UTRN: variants seen among roughly 807,000 people sequenced by gnomAD.
UTRN encodes dystrophin-related protein 1.
In UTRN, 283 loss-of-function variants were observed where a neutral mutation model predicts 463.9. The ratio of observed to expected loss-of-function variants is 0.61; its 90% CI spans 0.55 to 0.67. UTRN has a LOEUF of 0.67. Ranked by LOEUF, UTRN falls within the 30% of genes least tolerant of loss-of-function variation. The pLI, the probability that UTRN is intolerant of heterozygous loss-of-function variation, is 0.00. For synonymous variants in UTRN, 1,442 were observed against 1,431.5 expected (o/e 1.01, Z -0.17); for missense variants, 3,922 against 4,084.3 (o/e 0.96, Z 1.08).
At chr6:144,494,295 G>A (rs1793368235) in intron 33 of UTRN, among the ~76,000 whole-genome samples, 1 of 152,082 alleles carries the variant, frequency 6.6e-6, no homozygotes, top group Non-Finnish European at 1.5e-5. Context: ...TCCTGGCTCA[G>A]GAGTGACGCT....
chr6:144,540,510 G>A (rs1277258745), intron 45 of UTRN, among the ~76,000 whole-genome samples: 1 of 152,174 alleles, frequency 6.6e-6, no homozygotes, highest in African/African-American at 2.4e-5. Context: ...TCTCTGGTCT[G>A]GACCTTTCTC....
chr6:144,453,850 T>C lies in UTRN; in HGVS notation c.2265T>C (p.Leu755=). Residue 755 remains leucine (L), a synonymous_variant, in exon 19 of 75, where the codon CTT becomes CTC. Coordinates refer to ENST00000367545, the MANE Select transcript of UTRN (RefSeq NM_007124.3). ...AATTAAACCAAACTGGACAAATCCT[T>C]GTGGAGCAAATGGGAAAAGGTAAGA... ...ADELNQTGQI[L]VEQMGKEGLP... 3 of 1,613,302 alleles carry C rather than the reference T, an allele frequency of 1.9e-6. No homozygotes were observed. Among genetic ancestry groups the C allele is most frequent in the Non-Finnish European group, 2.5e-6 (3 of 1,179,536 alleles).
At chr6:144,555,991 G>A (rs1300708175) in intron 49 of UTRN, among the ~76,000 whole-genome samples, 1 of 152,126 alleles carries the variant, frequency 6.6e-6, no homozygotes, top group Non-Finnish European at 1.5e-5. Flanking sequence ...TTTCGTAATA[G>A]CAGACATCTT....
At chr6:144,711,369 T>A (rs1006822188) in intron 53 of UTRN, among the ~76,000 whole-genome samples, 1 of 151,634 alleles carries the variant, frequency 6.6e-6, no homozygotes, top group African/African-American at 2.4e-5. Context: ...AATAATAAAA[T>A]AAATGGGTAA....
chr6:144,317,611 G>A (rs560889255), intron 2 of UTRN, among the ~76,000 whole-genome samples: 1 of 152,076 alleles, frequency 6.6e-6, no homozygotes, highest in South Asian at 2.1e-4. Flanking sequence ...TGGCCAGGTT[G>A]GTCTCGAACT....
chr6:144,421,412 G>T (rs952720915), intron 3 of UTRN, among the ~76,000 whole-genome samples: 1 of 152,070 alleles, frequency 6.6e-6, no homozygotes, highest in South Asian at 2.1e-4. Flanking sequence ...AATTTGGGCC[G>T]GGTGCAGTGG....
chr6:144,475,093 A>G (rs1205734378), intron 25 of UTRN, among the ~76,000 whole-genome samples: 1 of 152,208 alleles, frequency 6.6e-6, no homozygotes, highest in African/African-American at 2.4e-5. Flanking sequence ...GTCAAGCATC[A>G]TTCTAGGCAC....
At chr6:144,590,033 A>AT (rs992394193) in intron 51 of UTRN, among the ~76,000 whole-genome samples, 13 of 150,744 alleles carry the variant, frequency 8.6e-5, no homozygotes, top group African/African-American at 2.9e-4. Flanking sequence ...ATTTTTTTGT[A>AT]TTTTTTTTGT....
intron 33 of UTRN, among the ~76,000 whole-genome samples, chr6:144,495,174 T>C (rs1793491504): frequency 6.6e-6 from 1 of 151,838 alleles, no homozygotes; most frequent in African/African-American, 2.4e-5. Context: ...GGGTGGTCAA[T>C]GGGAGTGGGC....
At chr6:144,501,611 G>T (rs1052118435) in intron 34 of UTRN, among the ~76,000 whole-genome samples, 1 of 152,016 alleles carries the variant, frequency 6.6e-6, no homozygotes, top group Non-Finnish European at 1.5e-5. Context: ...GATATGCATA[G>T]TATTTCATTC....
intron 51 of UTRN, among the ~76,000 whole-genome samples, chr6:144,602,347 C>T (rs941439774): frequency 6.6e-6 from 1 of 151,786 alleles, no homozygotes; most frequent in African/African-American, 2.4e-5. Context: ...CCATGTTGGC[C>T]AGGCTGGTCT....
chr6:144,661,220 G>T (rs1466229363), intron 51 of UTRN, among the ~76,000 whole-genome samples: 2 of 152,054 alleles, frequency 1.3e-5, no homozygotes, highest in African/African-American at 4.8e-5. Context: ...AAGAATAATG[G>T]GCTTTTTCTT....
intron 51 of UTRN, among the ~76,000 whole-genome samples, chr6:144,596,787 T>A (rs1255964594): frequency 6.6e-6 from 1 of 152,198 alleles, no homozygotes; most frequent in African/African-American, 2.4e-5. Flanking sequence ...TATGATAAAA[T>A]GTCTTATAGG....
At chr6:144,788,536 A>G (rs1167609590) in intron 61 of UTRN, among the ~76,000 whole-genome samples, 1 of 151,084 alleles carries the variant, frequency 6.6e-6, no homozygotes, top group Admixed American at 6.6e-5. Context: ...TGCATCTACA[A>G]TTATTAACGT....
intron 53 of UTRN, among the ~76,000 whole-genome samples, chr6:144,705,006 T>G (rs966787829): frequency 9.2e-5 from 14 of 152,248 alleles, no homozygotes; most frequent in African/African-American, 3.4e-4. Flanking sequence ...TCATATTTTC[T>G]TTATAGGTTG....
chr6:144,573,389 T>TA (rs879914234), intron 50 of UTRN, among the ~76,000 whole-genome samples: 2,416 of 142,476 alleles, frequency 0.017, 59 homozygotes, highest in African/African-American at 0.054. Flanking sequence ...CTATCTCTAC[T>TA]AAAAAAAAAA....
chr6:144,647,609 G>A (rs534580889), intron 51 of UTRN, among the ~76,000 whole-genome samples: 1 of 152,342 alleles, frequency 6.6e-6, no homozygotes, highest in African/African-American at 2.4e-5. Context: ...CTGCTTATCT[G>A]GAGCTTTGCG....
At chr6:144,472,316 T>C (rs1279690599) in intron 23 of UTRN, among the ~76,000 whole-genome samples, 2 of 150,690 alleles carry the variant, frequency 1.3e-5, no homozygotes, top group Non-Finnish European at 3.0e-5. Flanking sequence ...TCTTTTCTTT[T>C]TTTTTTTTTT....
At chr6:144,652,340 C>G (rs1283256065) in intron 51 of UTRN, among the ~76,000 whole-genome samples, 2 of 152,184 alleles carry the variant, frequency 1.3e-5, no homozygotes, top group African/African-American at 4.8e-5. Flanking sequence ...ATCACTATCA[C>G]AAGAAAATCA....
Sources: allele counts gnomAD v4.1 joint callset (sites outside exome capture counted in the v4.1 genomes callset), GRCh38; gene constraint gnomAD v4.1.1; transcripts MANE v1.5; gene names NCBI Gene and HGNC (gene_info 2026-07-23, HGNC 2026-07-21).